Variants in RIF1 observed in about 807,000 individuals in gnomAD.
RIF1 encodes replication timing regulatory factor 1, also known as telomere-associated protein RIF1.
RIF1 carries 45 observed loss-of-function variants against 247.1 expected under a neutral mutation model. That is an observed-to-expected ratio of 0.18 (90% CI 0.14 to 0.23). The LOEUF is 0.23. RIF1 is among the 10% of genes least tolerant of loss of function. The probability of loss-of-function intolerance (pLI) is 1.00; values close to 1 mark genes in which losing one functional copy is unlikely to be tolerated. For synonymous variants in RIF1, 1,087 were observed against 978.8 expected (o/e 1.11, Z -2.06); for missense variants, 2,967 against 2,862.5 (o/e 1.04, Z -0.83).
chr2:151,493,821 G>C (rs1435977088), intron 9 of RIF1: 5 of 1,588,438 alleles, frequency 3.1e-6, no homozygotes, highest in Non-Finnish European at 4.3e-6. Context: ...CATCTCAGGA[G>C]TAAAGGGTGT....
chr2:151,503,542 C>T, intron 12 of RIF1: 1 of 718,578 alleles, frequency 1.4e-6, no homozygotes, highest in Middle Eastern at 2.7e-4. Context: ...TAAAAACAAT[C>T]TAGCTCTCAA....
At position 151,468,490 on chromosome 2, in the gene RIF1, C is replaced by G. The variant is rs762035362; in HGVS notation, c.6764C>G (p.Ala2255Gly). Residue 2255 changes from alanine to glycine, a missense_variant, in exon 32 of 36, where the codon GCC (alanine) becomes GGC (glycine). Ala to Gly is a moderately conservative substitution (Grantham distance 60, BLOSUM62 0). Around this residue, in one of 7 missense-constraint regions of RIF1, gnomAD observed 2,028 missense variants for 1,825.6 expected, o/e 1.11. Transcript: ENST00000444746. Reference protein sequence around the residue: ...TTQSKHNTTSAKGFLSPGSRS... With the variant: ...TTQSKHNTTSGKGFLSPGSRS... Reference sequence around the variant, plus strand: ...TCTATCTAGCATAATACCACTTCAGCCAAAGGATTTCTGTCCCCAGGATCA... The same window carrying G: ...TCTATCTAGCATAATACCACTTCAGGCAAAGGATTTCTGTCCCCAGGATCA... The G allele has an allele frequency of 6.2e-7, 1 of 1,612,984 alleles. No homozygotes were observed. The highest frequency in any genetic ancestry group is 1.3e-5 in the African/African-American group (1 of 74,964).
intron 34 of RIF1, among the ~76,000 whole-genome samples, chr2:151,470,119 A>G (rs1009799983): frequency 1.3e-5 from 2 of 152,116 alleles, no homozygotes; most frequent in Admixed American, 6.5e-5. Context: ...TAGATGTTCA[A>G]ATCCAAACAT....
At chr2:151,421,784 A>T (rs575935924) in intron 7 of RIF1, among the ~76,000 whole-genome samples, 25 of 152,106 alleles carry the variant, frequency 1.6e-4, no homozygotes, top group African/African-American at 5.8e-4. Context: ...CAGTAACTCG[A>T]GTGTCTCATA....
chr2:151,501,289 T>A lies in RIF1; in HGVS notation c.*710-1745T>A, dbSNP rs573362774. On this transcript the variant is annotated intron_variant and NMD_transcript_variant, in intron 11 of 13. Coordinates refer to the RIF1 transcript ENST00000454583. ...TTCAGTTGATGTGATTAAAAAAAGA[T>A]TTTGTTAAATTGATTATTATAAAGG... The A allele has an allele frequency of 1.3e-4, 103 of 780,326 alleles. No individual in the cohort carries two copies. In the African/African-American group the frequency reaches 1.7e-3, roughly 13 times the overall value. 48.3% of individuals were successfully genotyped at this position (780,326 alleles called of 1,614,324 possible). A position where few individuals can be genotyped will look rare whatever the true frequency, so the allele number is the denominator to read the frequency against.
the RIF1 span, among the ~76,000 whole-genome samples, chr2:151,517,277 G>A: frequency 6.6e-6 from 1 of 152,300 alleles, no homozygotes; most frequent in South Asian, 2.1e-4. Context: ...AAAAACAGGC[G>A]AAGACCCTCA....
At chr2:151,468,855 A>G (rs964906045) in intron 33 of RIF1, 99 bp downstream of exon 33, 3 of 838,844 alleles carry the variant, frequency 3.6e-6, no homozygotes, top group Non-Finnish European at 6.0e-6. Flanking sequence ...ATTGATTGGC[A>G]TGTACTCTCA....
intron 12 of RIF1, among the ~76,000 whole-genome samples, chr2:151,503,811 T>C (rs1459304950): frequency 6.6e-6 from 1 of 152,196 alleles, no homozygotes; most frequent in Non-Finnish European, 1.5e-5. Context: ...TTGCTTGGTT[T>C]AAAATTTTCC....
At position 151,436,823 on chromosome 2, in the gene RIF1, A is replaced by G; in HGVS notation, c.1196-4A>G. 1 of 1,533,660 alleles carries G rather than the reference A, an allele frequency of 6.5e-7. No homozygotes were observed. The highest frequency in any genetic ancestry group is 1.3e-5 in the South Asian group (1 of 78,754). The stretch of plus-strand genomic sequence containing the variant: ...ACTTAACTCTTTTTTTTTTTTTCTT[A>G]AAGGTGCTTCCTCCCCGTACGGAGC... On this transcript the variant is annotated splice_polypyrimidine_tract_variant and splice_region_variant and intron_variant, in intron 11 of 35. Coordinates refer to ENST00000444746, the MANE Select transcript of RIF1 (RefSeq NM_018151.5).
intron 31 of RIF1, 43 bp downstream of exon 31, chr2:151,468,189 C>T (rs1697247749): frequency 6.7e-7 from 1 of 1,494,502 alleles, no homozygotes; most frequent in East Asian, 2.3e-5. Flanking sequence ...TATACCGACA[C>T]AGAATTACAT....
chr2:151,520,576 G>A, the RIF1 span, among the ~76,000 whole-genome samples: 1 of 152,134 alleles, frequency 6.6e-6, no homozygotes, highest in Admixed American at 6.5e-5. Flanking sequence ...TATCTAAAGA[G>A]GATGATAGCC....
At chr2:151,453,188 T>G (rs927570082) in intron 21 of RIF1, among the ~76,000 whole-genome samples, 3 of 151,794 alleles carry the variant, frequency 2.0e-5, no homozygotes, top group Non-Finnish European at 4.4e-5. Flanking sequence ...AATATACATT[T>G]TATTCTTTTT....
At chr2:151,523,510 T>C in the RIF1 span, among the ~76,000 whole-genome samples, 1,675 of 152,320 alleles carry the variant, frequency 0.011, 36 homozygotes, top group African/African-American at 0.037. Context: ...GATCTGTAAA[T>C]TGGAGGAGAA....
chr2:151,527,677 AC>A, the RIF1 span: 4 of 860,362 alleles, frequency 4.6e-6, 1 homozygote, highest in South Asian at 6.6e-5. Flanking sequence ...GCATTTCAAA[AC>A]ATCTCAAATC....
intron 11 of RIF1, among the ~76,000 whole-genome samples, chr2:151,500,221 G>A (rs1243436016): frequency 6.6e-6 from 1 of 151,920 alleles, no homozygotes; most frequent in Admixed American, 6.6e-5. Flanking sequence ...AAAGACAGTG[G>A]GACCAAAGAA....
downstream of RIF1, among the ~76,000 whole-genome samples, chr2:151,512,410 C>T (rs2075246506): frequency 1.3e-5 from 2 of 151,966 alleles, no homozygotes; most frequent in Admixed American, 6.5e-5. Context: ...ACTGCAGCCT[C>T]AACCGCCTGG....
chr2:151,514,180 A>C, the RIF1 span: 1 of 653,074 alleles, frequency 1.5e-6, no homozygotes, highest in Admixed American at 2.6e-5. Context: ...GTTAACAATT[A>C]TGTTGATATG....
chr2:151,494,195 T>A, intron 9 of RIF1: 1 of 1,608,520 alleles, frequency 6.2e-7, no homozygotes, highest in Non-Finnish European at 8.5e-7. Context: ...TTTGACTCTC[T>A]GCATCTCAGG....
Position 151,464,488 on chromosome 2 carries a change from T to C in RIF1, c.4968T>C (p.Thr1656=). The part of the protein sequence containing the change: ...LPNVCEEKNE[T]SKYAEYSFTS... ...ATGTGTGTGAGGAAAAAAATGAAACTAGCAAATATGCAGAATATTCCTTTA... is the reference window on the plus strand; with the variant it reads ...ATGTGTGTGAGGAAAAAAATGAAACCAGCAAATATGCAGAATATTCCTTTA... Residue 1656 remains threonine (T), a synonymous_variant, in exon 30 of 36, where the codon ACT becomes ACC. Transcript: ENST00000444746. 6.2e-7 allele frequency: 1 copy of C among 1,612,582 alleles called. No homozygotes were observed. The highest frequency in any genetic ancestry group is 8.5e-7 in the Non-Finnish European group (1 of 1,179,646).
Sources: allele counts gnomAD v4.1 joint callset (sites outside exome capture counted in the v4.1 genomes callset), GRCh38; gene constraint gnomAD v4.1.1; regional missense constraint gnomAD v4.1.1; transcripts MANE v1.5; gene names NCBI Gene and HGNC (gene_info 2026-07-23, HGNC 2026-07-21).